KCNH7: variants seen among roughly 807,000 people sequenced by gnomAD.
KCNH7 encodes the protein potassium voltage-gated channel subfamily H member 7, also known as voltage-gated inwardly rectifying potassium channel KCNH7.
In KCNH7, 49 loss-of-function variants were observed where a neutral mutation model predicts 120.8. That is an observed-to-expected ratio of 0.41 (90% CI 0.32 to 0.51). The LOEUF is 0.51. Ranked by LOEUF, KCNH7 falls within the 20% of genes least tolerant of loss-of-function variation. The pLI, the probability that KCNH7 is intolerant of heterozygous loss-of-function variation, is 0.38. For missense variants in KCNH7, 1,097 were observed against 1,446.6 expected, an observed-to-expected ratio of 0.76 and a Z score of 3.92; for synonymous variants, 547 against 516.1, an observed-to-expected ratio of 1.06 and a Z score of -0.81.
At chr2:162,523,496 A>G (rs1298738057) in intron 3 of KCNH7, among the ~76,000 whole-genome samples, 1 of 151,774 alleles carries the variant, frequency 6.6e-6, no homozygotes. Context: ...AAACTTTTCC[A>G]GTTTGAGAAG....
At chr2:162,646,229 C>G (rs951714586) in intron 2 of KCNH7, among the ~76,000 whole-genome samples, 1 of 152,130 alleles carries the variant, frequency 6.6e-6, no homozygotes, top group South Asian at 2.1e-4. Context: ...AGAGTAAGGC[C>G]TTACTAAAAT....
chr2:162,756,216 C>A (rs2105442855), intron 2 of KCNH7, among the ~76,000 whole-genome samples: 1 of 152,200 alleles, frequency 6.6e-6, no homozygotes, highest in African/African-American at 2.4e-5. Context: ...ATAGTATGAG[C>A]TAAACCAGAG....
In KCNH7 at chr2:162,581,601, A is replaced by ATT. The variant is rs5835914; in HGVS notation, c.308-44523_308-44522dup. 5.9e-5 allele frequency among the ~76,000 whole-genome samples: 9 copies of ATT among 151,660 alleles called. No homozygotes were observed. In the East Asian group the frequency reaches 9.8e-4, roughly 16 times the overall value. ...CTTGTTTAACTGCAATTCTTTTAAG[A>ATT]TTTTTTTTAAAAGTGTATTTAAATG... is the stretch of plus-strand genomic sequence containing the variant. On this transcript the variant is annotated intron_variant, in intron 2 of 15. Transcript: ENST00000332142.
chr2:162,765,584 T>C (rs543848491), intron 2 of KCNH7, among the ~76,000 whole-genome samples: 3 of 152,124 alleles, frequency 2.0e-5, no homozygotes, highest in Non-Finnish European at 2.9e-5. Flanking sequence ...TTGTAAAAGA[T>C]AACAAAAAAT....
chr2:162,669,335 A>T (rs191249445), intron 2 of KCNH7, among the ~76,000 whole-genome samples: 21 of 152,276 alleles, frequency 1.4e-4, no homozygotes, highest in Admixed American at 2.0e-4. Flanking sequence ...AAACTGCAGG[A>T]CTTCAAAGAC....
chr2:162,786,487 G>C (rs1394879294), intron 2 of KCNH7, among the ~76,000 whole-genome samples: 1 of 152,120 alleles, frequency 6.6e-6, no homozygotes, highest in Admixed American at 6.5e-5. Context: ...GCGACTTTTT[G>C]AGCTTGTACT....
At chr2:162,469,779 G>C (rs557263088) in intron 6 of KCNH7, among the ~76,000 whole-genome samples, 1 of 150,974 alleles carries the variant, frequency 6.6e-6, no homozygotes, top group African/African-American at 2.4e-5. Flanking sequence ...CTGTGCTGCC[G>C]CCATCTCGGC....
intron 6 of KCNH7, among the ~76,000 whole-genome samples, chr2:162,478,354 A>G (rs879864563): frequency 6.6e-6 from 1 of 152,136 alleles, no homozygotes; most frequent in Non-Finnish European, 1.5e-5. Flanking sequence ...TTTTCCAGCA[A>G]GTATTTGTGA....
chr2:162,637,022 G>C (rs939374586), intron 2 of KCNH7, among the ~76,000 whole-genome samples: 1 of 152,076 alleles, frequency 6.6e-6, no homozygotes. Flanking sequence ...GAATTCATTA[G>C]AGGCTCAATC....
At chr2:162,603,891 G>A (rs568914271) in intron 2 of KCNH7, among the ~76,000 whole-genome samples, 114 of 152,094 alleles carry the variant, frequency 7.5e-4, no homozygotes, top group African/African-American at 2.7e-3. Flanking sequence ...AATATTTGCA[G>A]TATTGTTTTC....
chr2:162,678,527 C>T (rs942459485), intron 2 of KCNH7, among the ~76,000 whole-genome samples: 5 of 151,376 alleles, frequency 3.3e-5, no homozygotes, highest in African/African-American at 1.2e-4. Context: ...TAAAGTCTAC[C>T]AATAATCTCA....
intron 2 of KCNH7, among the ~76,000 whole-genome samples, chr2:162,702,651 A>C (rs1450090931): frequency 6.6e-6 from 1 of 152,194 alleles, no homozygotes; most frequent in African/African-American, 2.4e-5. Context: ...ATTCACAGTT[A>C]AATTATTATT....
intron 6 of KCNH7, among the ~76,000 whole-genome samples, chr2:162,490,217 T>C (rs1266222489): frequency 6.6e-6 from 1 of 152,220 alleles, no homozygotes; most frequent in Non-Finnish European, 1.5e-5. Flanking sequence ...CGCAGTGGCC[T>C]AAGGGGCCAC....
intron 2 of KCNH7, among the ~76,000 whole-genome samples, chr2:162,577,368 T>TC (rs572402892): frequency 0.016 from 2,302 of 144,862 alleles, 26 homozygotes; most frequent in Non-Finnish European, 0.023. Flanking sequence ...TATCTATCTA[T>TC]CTATCTATCT....
Position 162,816,309 on chromosome 2 carries a change from T to C in KCNH7, c.307+20228A>G, listed in dbSNP as rs561230584. 1.6e-4 allele frequency among the ~76,000 whole-genome samples: 24 copies of C among 149,956 alleles called. No homozygotes were observed. In the South Asian group the frequency reaches 4.2e-3, roughly 26 times the overall value. On this transcript the variant is annotated intron_variant, in intron 2 of 15. Coordinates refer to ENST00000332142, the MANE Select transcript of KCNH7 (RefSeq NM_033272.4). ...GACAAAGAAAGAAAGAAATCTGCCT[T>C]ACATTCCTATCATTTCAGTTTCCTT...
chr2:162,495,951 G>A (rs980026784), intron 6 of KCNH7, among the ~76,000 whole-genome samples: 4 of 152,178 alleles, frequency 2.6e-5, no homozygotes, highest in African/African-American at 9.6e-5. Flanking sequence ...GGGCATGTCA[G>A]CAATCTTGGG....
At chr2:162,667,018 C>CTTTTTTTTTTT (rs34213467) in intron 2 of KCNH7, among the ~76,000 whole-genome samples, 1 of 124,216 alleles carries the variant, frequency 8.1e-6, no homozygotes, top group Non-Finnish European at 1.6e-5. Flanking sequence ...TTTTCTTTTT[C>CTTTTTTTTTTT]TTTTTTTTTT....
At chr2:162,584,635 C>T (rs1693969062) in intron 2 of KCNH7, among the ~76,000 whole-genome samples, 1 of 152,044 alleles carries the variant, frequency 6.6e-6, no homozygotes, top group Non-Finnish European at 1.5e-5. Context: ...ACCCTTTAGT[C>T]TTTACATACA....
intron 2 of KCNH7, among the ~76,000 whole-genome samples, chr2:162,736,119 G>A (rs944917493): frequency 6.6e-6 from 1 of 152,152 alleles, no homozygotes; most frequent in African/African-American, 2.4e-5. Context: ...GCCAGGTGGT[G>A]AGGACTCAGG....
Sources: gnomAD v4.1 joint callset for allele counts (sites outside exome capture counted in the v4.1 genomes callset) on GRCh38, gnomAD v4.1.1 for gene constraint, MANE v1.5 for transcripts, NCBI Gene and HGNC (gene_info 2026-07-23, HGNC 2026-07-21) for gene names.